The following STPG4 variants were observed in gnomAD, a reference collection of about 807,000 sequenced individuals.
STPG4 encodes protein STPG4.
Under a neutral mutation model 31.5 loss-of-function variants are expected in STPG4, and 41 were observed. The ratio of observed to expected loss-of-function variants is 1.30; its 90% CI spans 1.01 to 1.69. The LOEUF is 1.69. STPG4 is among the 40% of genes most tolerant of loss of function. STPG4 has a pLI of 0.00. For missense variants in STPG4, 375 were observed against 293.4 expected (o/e 1.28, Z -2.03); for synonymous variants, 141 against 103.0 (o/e 1.37, Z -2.24).
At chr2:47,148,466 A>G (rs1268372390) in intron 3 of STPG4, among the ~76,000 whole-genome samples, 1 of 152,126 alleles carries the variant, frequency 6.6e-6, no homozygotes, top group Non-Finnish European at 1.5e-5. Flanking sequence ...TCCAATACAG[A>G]TTCTCGAGTT....
intron 3 of STPG4, among the ~76,000 whole-genome samples, chr2:47,148,435 G>GA (rs979952452): frequency 1.7e-4 from 25 of 147,628 alleles, no homozygotes; most frequent in Non-Finnish European, 2.9e-4. Flanking sequence ...AATAAAAGTT[G>GA]AAAAAAAAAT....
At chr2:47,143,700 T>C (rs979303089) in intron 3 of STPG4, among the ~76,000 whole-genome samples, 9 of 151,852 alleles carry the variant, frequency 5.9e-5, no homozygotes, top group African/African-American at 2.2e-4. Flanking sequence ...GTGTTAGCCA[T>C]GATGGTCTCG....
intron 3 of STPG4, among the ~76,000 whole-genome samples, chr2:47,146,331 A>T (rs1049256934): frequency 6.6e-6 from 1 of 152,194 alleles, no homozygotes; most frequent in Non-Finnish European, 1.5e-5. Context: ...CAATGCACAG[A>T]ACAGCCCCCC....
At chr2:47,109,505 C>T (rs1398357117) in intron 5 of STPG4, among the ~76,000 whole-genome samples, 3 of 149,306 alleles carry the variant, frequency 2.0e-5, no homozygotes, top group African/African-American at 5.0e-5. Flanking sequence ...TGCAGTGAGC[C>T]GAGATCCTGC....
intron 1 of STPG4, 130 bp downstream of exon 1, chr2:47,155,041 G>T: frequency 5.2e-6 from 4 of 772,840 alleles, no homozygotes; most frequent in East Asian, 2.7e-5. Flanking sequence ...GTGCGTGAGG[G>T]CAGGGAGAGA....
chr2:47,144,035 G>A (rs898717853), intron 3 of STPG4, among the ~76,000 whole-genome samples: 1 of 152,184 alleles, frequency 6.6e-6, no homozygotes, highest in Non-Finnish European at 1.5e-5. Context: ...ACTGTAGATA[G>A]ATTCTGGAAC....
chr2:47,110,385 G>T (rs959207954), intron 5 of STPG4, among the ~76,000 whole-genome samples: 1 of 152,200 alleles, frequency 6.6e-6, no homozygotes, highest in Non-Finnish European at 1.5e-5. Context: ...CTCGAGGTCA[G>T]GAGTTTGAGA....
chr2:47,124,928 A>T (rs999530083), intron 5 of STPG4, among the ~76,000 whole-genome samples: 10 of 152,172 alleles, frequency 6.6e-5, no homozygotes, highest in Non-Finnish European at 1.5e-4. Flanking sequence ...CCTCGCCAGC[A>T]TTCACTATTG....
intron 5 of STPG4, among the ~76,000 whole-genome samples, chr2:47,115,803 C>A (rs1686141751): frequency 6.6e-6 from 1 of 152,102 alleles, no homozygotes; most frequent in Non-Finnish European, 1.5e-5. Flanking sequence ...CAGGCGCACG[C>A]TGCCATGCAC....
At chr2:47,138,874 G>A (rs557606396) in intron 3 of STPG4, among the ~76,000 whole-genome samples, 29 of 152,100 alleles carry the variant, frequency 1.9e-4, no homozygotes, top group Non-Finnish European at 2.6e-4. Context: ...TAGTAGAGAC[G>A]GGGTTTCACC....
In STPG4 at chr2:47,130,164, A is replaced by G. The variant is rs759126560; in HGVS notation, c.464+32T>C. 5.0e-6 allele frequency: 8 copies of G among 1,591,858 alleles called. No individual in the cohort carries two copies. The South Asian group carries it at 6.6e-5, about 13-fold the overall frequency. ...TATTGGCGTGTAGGTATGTAAACAGAAAGGCAGCTTATTTAATAAGTATAT... is the reference window on the plus strand; with the variant it reads ...TATTGGCGTGTAGGTATGTAAACAGGAAGGCAGCTTATTTAATAAGTATAT... On this transcript the variant is annotated intron_variant, in intron 4 of 6. Transcript: ENST00000445927.
At chr2:47,098,850 G>A (rs1383449136) in intron 5 of STPG4, among the ~76,000 whole-genome samples, 1 of 151,804 alleles carries the variant, frequency 6.6e-6, no homozygotes, top group Non-Finnish European at 1.5e-5. Flanking sequence ...GGGCACTCAA[G>A]AGGTGGTGTG....
At chr2:47,107,802 A>G (rs1003564786) in intron 5 of STPG4, among the ~76,000 whole-genome samples, 3 of 151,594 alleles carry the variant, frequency 2.0e-5, no homozygotes, top group African/African-American at 7.3e-5. Flanking sequence ...AAATACACCA[A>G]TCAGCACTCT....
At chr2:47,106,972 A>T (rs1685925916) in intron 5 of STPG4, among the ~76,000 whole-genome samples, 1 of 151,612 alleles carries the variant, frequency 6.6e-6, no homozygotes, top group Non-Finnish European at 1.5e-5. Context: ...TGGCCTAGAG[A>T]CCTCCCCTCT....
intron 5 of STPG4, among the ~76,000 whole-genome samples, chr2:47,112,965 C>G (rs6730296): frequency 7.3e-6 from 1 of 137,232 alleles, no homozygotes; most frequent in African/African-American, 2.8e-5. Context: ...GCGCTCCAGC[C>G]TGGGCGACAG....
At chr2:47,134,377 C>T (rs370439449) in intron 3 of STPG4, among the ~76,000 whole-genome samples, 2 of 152,206 alleles carry the variant, frequency 1.3e-5, no homozygotes, top group Non-Finnish European at 2.9e-5. Flanking sequence ...CTCCCCTCAA[C>T]CCCTGACAAC....
chr2:47,126,238 T>C (rs1686362702), intron 5 of STPG4, among the ~76,000 whole-genome samples: 1 of 152,090 alleles, frequency 6.6e-6, no homozygotes, highest in South Asian at 2.1e-4. Context: ...GTTTTAGGGT[T>C]CTTTCTTCTT....
chr2:47,132,963 A>G (rs1243930533), intron 3 of STPG4, among the ~76,000 whole-genome samples: 1 of 152,094 alleles, frequency 6.6e-6, no homozygotes, highest in Non-Finnish European at 1.5e-5. Flanking sequence ...TAACATCTAT[A>G]TTTGTCCTAC....
intron 5 of STPG4, 132 bp downstream of exon 5, chr2:47,129,809 T>C (rs1440742907): frequency 5.4e-6 from 6 of 1,118,052 alleles, no homozygotes; most frequent in Non-Finnish European, 2.5e-6. Flanking sequence ...GATAATTGTG[T>C]GGATAATGGT....
Sources: allele counts gnomAD v4.1 joint callset (sites outside exome capture counted in the v4.1 genomes callset), GRCh38; gene constraint gnomAD v4.1.1; transcripts MANE v1.5; gene names NCBI Gene and HGNC (gene_info 2026-07-23, HGNC 2026-07-21).